ADAMTSL1: variants seen among roughly 807,000 people sequenced by gnomAD.
The protein encoded by ADAMTSL1 is ADAMTS like 1.
A neutral mutation model predicts 201.8 loss-of-function variants in ADAMTSL1; 126 were observed. That is an observed-to-expected ratio of 0.62 (90% CI 0.54 to 0.72). The LOEUF is 0.72. ADAMTSL1 is among the 30% of genes least tolerant of loss of function. The pLI, the probability that ADAMTSL1 is intolerant of heterozygous loss-of-function variation, is 0.00. For synonymous variants in ADAMTSL1, 1,121 were observed against 903.4 expected (o/e 1.24, Z -4.32); for missense variants, 2,679 against 2,277.8 (o/e 1.18, Z -3.59).
intron 1 of ADAMTSL1, among the ~76,000 whole-genome samples, chr9:18,501,503 CAAA>C (rs397894789): frequency 2.9e-4 from 27 of 93,068 alleles, no homozygotes; most frequent in African/African-American, 1.1e-3. Flanking sequence ...GACACGGTCT[CAAA>C]AAAAAAAAAA....
chr9:18,127,376 AC>A (rs1163683715), intron 1 of ADAMTSL1, among the ~76,000 whole-genome samples: 2 of 152,128 alleles, frequency 1.3e-5, no homozygotes, highest in East Asian at 3.9e-4. Context: ...GTGTGGGCAT[AC>A]GTGAATGGAG....
chr9:18,183,801 C>G (rs183747444), intron 2 of ADAMTSL1, among the ~76,000 whole-genome samples: 128 of 152,216 alleles, frequency 8.4e-4, no homozygotes, highest in Non-Finnish European at 2.9e-5. Flanking sequence ...TGACATTGGA[C>G]GTAACTTTAC....
chr9:18,775,535 A>G (rs1480766144), intron 17 of ADAMTSL1, among the ~76,000 whole-genome samples: 1 of 152,174 alleles, frequency 6.6e-6, no homozygotes, highest in East Asian at 1.9e-4. Context: ...GGTCTTCAGG[A>G]AACCTCAGAG....
At chr9:18,591,263 A>T (rs1823896995) in intron 4 of ADAMTSL1, among the ~76,000 whole-genome samples, 1 of 152,188 alleles carries the variant, frequency 6.6e-6, no homozygotes, top group African/African-American at 2.4e-5. Flanking sequence ...CTCTTTTATC[A>T]TTATATAATG....
intron 2 of ADAMTSL1, among the ~76,000 whole-genome samples, chr9:18,294,722 A>G (rs1833405314): frequency 6.6e-6 from 1 of 151,886 alleles, no homozygotes; most frequent in African/African-American, 2.4e-5. Context: ...CTTCTCTCAT[A>G]CCCCCAAGTT....
chr9:18,113,118 G>A (rs1019268573), intron 1 of ADAMTSL1, among the ~76,000 whole-genome samples: 4 of 152,158 alleles, frequency 2.6e-5, no homozygotes, highest in Non-Finnish European at 4.4e-5. Context: ...GGGGTACTCA[G>A]GGAAGTAAGT....
intron 1 of ADAMTSL1, among the ~76,000 whole-genome samples, chr9:18,014,001 T>A (rs1219211613): frequency 6.6e-6 from 1 of 152,012 alleles, no homozygotes; most frequent in Non-Finnish European, 1.5e-5. Flanking sequence ...CTCAGAAGGT[T>A]TTCTCATGCC....
intron 23 of ADAMTSL1, among the ~76,000 whole-genome samples, chr9:18,835,519 T>C (rs773433136): frequency 2.0e-5 from 3 of 152,144 alleles, no homozygotes; most frequent in South Asian, 2.1e-4. Flanking sequence ...ATTTCAACTT[T>C]TATTTTAGAT....
chr9:18,675,762 C>G (rs902642589), intron 9 of ADAMTSL1, 95 bp from the exon 10 acceptor site: 1 of 1,058,326 alleles, frequency 9.4e-7, no homozygotes, highest in African/African-American at 1.6e-5. Flanking sequence ...TGTTATTTTG[C>G]ATTTGTATTA....
chr9:18,376,532 C>T lies in ADAMTSL1; in HGVS notation c.208-128297C>T, dbSNP rs188726914. 7.4e-3 allele frequency among the ~76,000 whole-genome samples: 1,130 copies of T among 152,112 alleles called. 5 individuals are homozygous for T. Among genetic ancestry groups the T allele is most frequent in the Middle Eastern group, 0.02 (6 of 294 alleles). On this transcript the variant is annotated intron_variant, in intron 2 of 29. Transcript: ENST00000680146. Reference sequence around the variant, plus strand: ...GAAATAAAAGACTTAGGGCCCGGGGCGGTGGCTCATGCCTGTAATCCTAGC... The same window carrying T: ...GAAATAAAAGACTTAGGGCCCGGGGTGGTGGCTCATGCCTGTAATCCTAGC...
intron 2 of ADAMTSL1, among the ~76,000 whole-genome samples, chr9:18,168,843 T>C (rs926776415): frequency 3.2e-4 from 48 of 150,114 alleles, no homozygotes; most frequent in African/African-American, 9.7e-4. Context: ...TGGTATCTCA[T>C]TGTGGTTTTG....
intron 2 of ADAMTSL1, among the ~76,000 whole-genome samples, chr9:18,438,955 C>G (rs1467119037): frequency 6.6e-6 from 1 of 152,058 alleles, no homozygotes; most frequent in Non-Finnish European, 1.5e-5. Flanking sequence ...CGCATTTATG[C>G]ACACTCCCCT....
intron 23 of ADAMTSL1, among the ~76,000 whole-genome samples, chr9:18,830,458 A>C (rs1197516477): frequency 6.6e-6 from 1 of 152,332 alleles, no homozygotes; most frequent in Non-Finnish European, 1.5e-5. Context: ...CTTTCTGTAG[A>C]TATAGCCTAA....
intron 13 of ADAMTSL1, among the ~76,000 whole-genome samples, chr9:18,687,566 C>T (rs540604777): frequency 1.3e-5 from 2 of 152,278 alleles, no homozygotes; most frequent in Admixed American, 6.5e-5. Flanking sequence ...CAGTAAATAT[C>T]ATTTATTTCC....
chr9:18,590,918 A>G (rs115170727), intron 4 of ADAMTSL1, among the ~76,000 whole-genome samples: 10,221 of 152,230 alleles, frequency 0.067, 480 homozygotes, highest in South Asian at 0.21. Context: ...AATAATTTTG[A>G]ATTTTTTAAG....
chr9:17,929,377 A>G (rs559564623), intron 1 of ADAMTSL1, among the ~76,000 whole-genome samples: 12 of 152,002 alleles, frequency 7.9e-5, no homozygotes, highest in African/African-American at 2.7e-4. Flanking sequence ...CTTCTTTCGT[A>G]TCCCTAAGAA....
At chr9:18,399,286 T>C (rs1321988637) in intron 2 of ADAMTSL1, among the ~76,000 whole-genome samples, 4 of 62,572 alleles carry the variant, frequency 6.4e-5, no homozygotes, top group African/African-American at 1.6e-4. Context: ...TTTACATATA[T>C]ATATATATAT....
At chr9:18,162,701 TA>T (rs1827447877) in intron 1 of ADAMTSL1, among the ~76,000 whole-genome samples, 1 of 152,014 alleles carries the variant, frequency 6.6e-6, no homozygotes, top group African/African-American at 2.4e-5. Flanking sequence ...TAAATTAATA[TA>T]AACATCCACA....
chr9:17,951,513 A>T (rs912408942), intron 1 of ADAMTSL1, among the ~76,000 whole-genome samples: 2 of 152,172 alleles, frequency 1.3e-5, no homozygotes, highest in African/African-American at 2.4e-5. Flanking sequence ...ATTGTATCAC[A>T]GCATGGTTTT....
Sources: allele counts gnomAD v4.1 joint callset (sites outside exome capture counted in the v4.1 genomes callset), GRCh38; gene constraint gnomAD v4.1.1; transcripts MANE v1.5; gene names NCBI Gene and HGNC (gene_info 2026-07-23, HGNC 2026-07-21).